The following THSD7A variants were observed in gnomAD, a reference collection of about 807,000 sequenced individuals.
THSD7A encodes thrombospondin type 1 domain containing 7A.
Under a neutral mutation model 231.3 loss-of-function variants are expected in THSD7A, and 96 were observed. The observed-to-expected ratio is 0.41, with a 90% CI of 0.35 to 0.49. The LOEUF (loss-of-function observed/expected upper bound fraction) is 0.49. THSD7A is among the 20% of genes least tolerant of loss of function. The probability of loss-of-function intolerance (pLI) is 0.05; values close to 1 mark genes in which losing one functional copy is unlikely to be tolerated. For synonymous variants in THSD7A, 940 were observed against 743.3 expected, an observed-to-expected ratio of 1.26 and a Z score of -4.30; for missense variants, 2,290 against 2,070.2, an observed-to-expected ratio of 1.11 and a Z score of -2.06.
chr7:11,640,670 T>G (rs898568730), intron 1 of THSD7A, among the ~76,000 whole-genome samples: 7 of 152,278 alleles, frequency 4.6e-5, no homozygotes, highest in African/African-American at 1.7e-4. Context: ...TACTAGAATA[T>G]TCTCTTGTCT....
chr7:11,424,415 T>C (rs761228828), intron 16 of THSD7A, among the ~76,000 whole-genome samples: 1 of 152,172 alleles, frequency 6.6e-6, no homozygotes, highest in Non-Finnish European at 1.5e-5. Flanking sequence ...GCAAAAAAGT[T>C]ATTGGGGTTG....
intron 1 of THSD7A, among the ~76,000 whole-genome samples, chr7:11,804,509 T>C (rs1784352297): frequency 6.6e-6 from 1 of 152,188 alleles, no homozygotes; most frequent in South Asian, 2.1e-4. Context: ...TCAACATAAC[T>C]GAAATTTCAG....
rs754710312 is a variant in THSD7A at position 11,831,829 on chromosome 7, G to C, written c.118C>G (p.Leu40Val). The change falls in exon 1 of 28, where the codon CTA becomes GTA. Residue 40 changes from leucine (L) to valine (V), a missense_variant. Leu to Val is a conservative substitution (Grantham distance 32). Transcript: ENST00000423059. The surrounding 1 kb of genome is among the most constrained non-coding windows in gnomAD (Gnocchi z 5.0). ...LPLPLLLLLLLRPGAGRAAAQ... is the reference protein window; with the variant it reads ...LPLPLLLLLLVRPGAGRAAAQ... ...GCAGCCCTGCCGGCGCCCGGGCGTA[G>C]CAGCAGCAGCAGGAGCAGCGGCAGC... 16 of 1,413,592 alleles carry C rather than the reference G, an allele frequency of 1.1e-5. No individual in the cohort carries two copies. In the East Asian group the frequency reaches 4.5e-4, roughly 40 times the overall value. 87.6% of individuals were successfully genotyped at this position (1,413,592 alleles called of 1,614,324 possible).
At chr7:11,820,696 C>A (rs1380865553) in intron 1 of THSD7A, 1 of 923,752 alleles carries the variant, frequency 1.1e-6, no homozygotes, top group East Asian at 2.4e-5. Flanking sequence ...GTCTCGATGT[C>A]TCAAAGCCCG....
chr7:11,485,908 T>A (rs185031171), intron 6 of THSD7A, among the ~76,000 whole-genome samples: 48 of 152,350 alleles, frequency 3.2e-4, no homozygotes, highest in African/African-American at 9.4e-4. Context: ...TCTATGAGAA[T>A]ATGGAATAAT....
intron 1 of THSD7A, among the ~76,000 whole-genome samples, chr7:11,641,629 A>T (rs942024627): frequency 2.6e-5 from 4 of 152,202 alleles, no homozygotes; most frequent in African/African-American, 9.6e-5. Context: ...AGCAGATAAC[A>T]TATCCTGAGA....
At chr7:11,437,050 G>C (rs1262906817) in intron 13 of THSD7A, among the ~76,000 whole-genome samples, 1 of 151,996 alleles carries the variant, frequency 6.6e-6, no homozygotes, top group Non-Finnish European at 1.5e-5. Flanking sequence ...TTTATTTTAA[G>C]CAATAGAACA....
At chr7:11,502,561 A>G (rs1023602011) in intron 6 of THSD7A, among the ~76,000 whole-genome samples, 4 of 152,170 alleles carry the variant, frequency 2.6e-5, no homozygotes, top group African/African-American at 9.7e-5. Flanking sequence ...AGATTCAGAA[A>G]AGTCTTTTGA....
chr7:11,593,798 T>C (rs1278020633), intron 2 of THSD7A, among the ~76,000 whole-genome samples: 1 of 152,220 alleles, frequency 6.6e-6, no homozygotes, highest in East Asian at 1.9e-4. Flanking sequence ...TTTTACTCAT[T>C]CCAGACTTGT....
chr7:11,769,716 T>C (rs1306389037), intron 1 of THSD7A, among the ~76,000 whole-genome samples: 1 of 152,164 alleles, frequency 6.6e-6, no homozygotes, highest in African/African-American at 2.4e-5. Flanking sequence ...TTTCCTTCTA[T>C]TTATTTATAT....
Position 11,524,398 on chromosome 7 carries a change from G to C in THSD7A, c.1822+17021C>G, listed in dbSNP as rs533697993. Among the ~76,000 whole-genome samples, 4 of 152,244 alleles carry C rather than the reference G, an allele frequency of 2.6e-5. No individual in the cohort carries two copies. The South Asian group carries it at 8.3e-4, about 32-fold the overall frequency. The stretch of plus-strand genomic sequence containing the variant: ...CTTTTTGACTGCTTCAGCTGGAGCA[G>C]GTTTAAGACATGTACAGTTTTTAGA... On this transcript the variant is annotated intron_variant, in intron 6 of 27. Transcript: ENST00000423059.
At position 11,505,008 on chromosome 7, in the gene THSD7A, T is replaced by C. The variant is rs564808015; in HGVS notation, c.1823-23026A>G. Among the ~76,000 whole-genome samples the C allele has an allele frequency of 3.4e-4, 52 of 152,294 alleles. 1 individual carries two copies. The South Asian group carries it at 4.3e-3, about 13-fold the overall frequency. ...TAGGCATAAGGCAACTAGTTAGAGATGCAGGCATGTTTCAGAACTCCTGAT... is the reference window on the plus strand; with the variant it reads ...TAGGCATAAGGCAACTAGTTAGAGACGCAGGCATGTTTCAGAACTCCTGAT... On this transcript the variant is annotated intron_variant, in intron 6 of 27. Coordinates refer to ENST00000423059, the MANE Select transcript of THSD7A (RefSeq NM_015204.3).
At chr7:11,701,314 T>C (rs984303648) in intron 1 of THSD7A, among the ~76,000 whole-genome samples, 29 of 151,190 alleles carry the variant, frequency 1.9e-4, no homozygotes, top group Non-Finnish European at 4.0e-4. Flanking sequence ...AACACACATA[T>C]TTCCAATATG....
At chr7:11,717,639 A>C (rs1336453992) in intron 1 of THSD7A, among the ~76,000 whole-genome samples, 1 of 151,614 alleles carries the variant, frequency 6.6e-6, no homozygotes, top group Non-Finnish European at 1.5e-5. Flanking sequence ...CTAGGAGAAT[A>C]TATCTGTCTA....
At chr7:11,776,749 C>A (rs187446261) in intron 1 of THSD7A, among the ~76,000 whole-genome samples, 2 of 152,112 alleles carry the variant, frequency 1.3e-5, no homozygotes, top group African/African-American at 4.8e-5. Flanking sequence ...GAGCTAAAGA[C>A]GCATCTTGAC....
intron 4 of THSD7A, among the ~76,000 whole-genome samples, chr7:11,543,917 A>C (rs1007744805): frequency 3.9e-5 from 6 of 152,180 alleles, no homozygotes; most frequent in African/African-American, 1.4e-4. Flanking sequence ...AAAATGACTA[A>C]GTGATGAAGA....
At chr7:11,534,188 G>C (rs1788822015) in intron 6 of THSD7A, among the ~76,000 whole-genome samples, 1 of 152,116 alleles carries the variant, frequency 6.6e-6, no homozygotes, top group Non-Finnish European at 1.5e-5. Context: ...TGAGAGGATT[G>C]AAAATAATTG....
chr7:11,546,867 G>T (rs1183390278), intron 4 of THSD7A, among the ~76,000 whole-genome samples: 2 of 152,028 alleles, frequency 1.3e-5, no homozygotes, highest in African/African-American at 4.8e-5. Context: ...AAAACAAACT[G>T]ATCTAATAGA....
At chr7:11,455,586 A>G (rs988703293) in intron 11 of THSD7A, among the ~76,000 whole-genome samples, 3 of 152,082 alleles carry the variant, frequency 2.0e-5, no homozygotes, top group African/African-American at 4.8e-5. Flanking sequence ...TCAAACTTTC[A>G]GGAATATATA....
Sources: allele counts gnomAD v4.1 joint callset (sites outside exome capture counted in the v4.1 genomes callset), GRCh38; gene constraint gnomAD v4.1.1; non-coding constraint Gnocchi (gnomAD v3.1); transcripts MANE v1.5; gene names NCBI Gene and HGNC (gene_info 2026-07-23, HGNC 2026-07-21).